WWOX: variants seen among roughly 807,000 people sequenced by gnomAD.
WWOX encodes the protein WW domain-containing oxidoreductase.
A neutral mutation model predicts 46.2 loss-of-function variants in WWOX; 69 were observed. That is an observed-to-expected ratio of 1.49 (90% CI 1.23 to 1.82). WWOX has a LOEUF of 1.82. Among genes scored for constraint, WWOX ranks in the 40% most tolerant of loss-of-function variants. The pLI is 0.00. For missense variants in WWOX, 919 were observed against 542.6 expected (o/e 1.69, Z -6.89); for synonymous variants, 359 against 202.6 (o/e 1.77, Z -6.56).
chr16:78,786,417 G>A (rs915274598), intron 8 of WWOX, among the ~76,000 whole-genome samples: 16 of 152,170 alleles, frequency 1.1e-4, no homozygotes, highest in African/African-American at 3.6e-4. Flanking sequence ...TACAGTCAAT[G>A]ACTTCAAGAG....
At chr16:78,235,082 A>C (rs1001393133) in intron 5 of WWOX, among the ~76,000 whole-genome samples, 1 of 152,138 alleles carries the variant, frequency 6.6e-6, no homozygotes, top group Non-Finnish European at 1.5e-5. Context: ...ACACACACGT[A>C]ATGATGTTCG....
At chr16:78,629,239 A>AT (rs11388515) in intron 8 of WWOX, among the ~76,000 whole-genome samples, 11 of 149,206 alleles carry the variant, frequency 7.4e-5, no homozygotes, top group South Asian at 2.1e-4. Context: ...TGGGTATTTT[A>AT]TTTTTTTTTC....
At position 78,924,482 on chromosome 16, in the gene WWOX, G is replaced by A. The variant is rs192096771; in HGVS notation, c.1057-287126G>A. ...AATATCTCACTTAAAACTTGTCTTC[G>A]CTGCAGGCTACTTGGTTGTACTTGA... On this transcript the variant is annotated intron_variant, in intron 8 of 8. Coordinates refer to ENST00000566780, the MANE Select transcript of WWOX (RefSeq NM_016373.4). 1.7e-3 allele frequency among the ~76,000 whole-genome samples: 256 copies of A among 152,236 alleles called. 1 individual carries two copies. Among genetic ancestry groups the A allele is most frequent in the Non-Finnish European group, 2.6e-3 (179 of 68,014 alleles).
chr16:78,249,148 T>C (rs2037911610), intron 5 of WWOX, among the ~76,000 whole-genome samples: 1 of 152,114 alleles, frequency 6.6e-6, no homozygotes, highest in Non-Finnish European at 1.5e-5. Context: ...CCACCGTGTC[T>C]GGCGTCATGC....
At chr16:79,132,491 C>T (rs541479821) in intron 8 of WWOX, among the ~76,000 whole-genome samples, 14 of 152,194 alleles carry the variant, frequency 9.2e-5, no homozygotes, top group South Asian at 6.2e-4. Flanking sequence ...AGTTACTTGC[C>T]ACGTTTCAGA....
intron 4 of WWOX, among the ~76,000 whole-genome samples, chr16:78,129,828 T>C (rs1032735237): frequency 1.3e-5 from 2 of 152,120 alleles, no homozygotes; most frequent in African/African-American, 4.8e-5. Context: ...GTTTATGTCT[T>C]CCCCAAAAAT....
intron 8 of WWOX, among the ~76,000 whole-genome samples, chr16:79,008,347 C>T (rs906049517): frequency 2.0e-5 from 3 of 152,204 alleles, no homozygotes; most frequent in African/African-American, 4.8e-5. Context: ...ATCAGTCCCA[C>T]TTAGGATTGA....
chr16:78,513,653 A>G (rs1385394012), intron 8 of WWOX, among the ~76,000 whole-genome samples: 1 of 152,226 alleles, frequency 6.6e-6, no homozygotes, highest in East Asian at 1.9e-4. Context: ...TTACAAATAT[A>G]CAGAGGTGGT....
At chr16:78,646,108 C>G (rs1047487244) in intron 8 of WWOX, among the ~76,000 whole-genome samples, 4 of 152,122 alleles carry the variant, frequency 2.6e-5, no homozygotes, top group Non-Finnish European at 1.5e-5. Flanking sequence ...AACTTACATC[C>G]CTCTACAAAG....
chr16:78,506,814 G>A (rs1337437417), intron 8 of WWOX, among the ~76,000 whole-genome samples: 2 of 148,794 alleles, frequency 1.3e-5, no homozygotes, highest in African/African-American at 5.0e-5. Flanking sequence ...CCAGGTTTAA[G>A]TGATTCTCCT....
chr16:78,731,847 T>C (rs1363253606), intron 8 of WWOX, among the ~76,000 whole-genome samples: 37 of 125,968 alleles, frequency 2.9e-4, no homozygotes, highest in East Asian at 1.6e-3. Flanking sequence ...TTCTTTCTCT[T>C]TTTTTTTTTT....
intron 5 of WWOX, among the ~76,000 whole-genome samples, chr16:78,375,842 C>A (rs973783565): frequency 9.4e-4 from 138 of 146,304 alleles, no homozygotes; most frequent in Middle Eastern, 3.4e-3. Flanking sequence ...CAATGAGTAA[C>A]ATGTATAGGA....
chr16:78,422,903 T>A (rs542445244), intron 6 of WWOX, among the ~76,000 whole-genome samples: 3 of 148,086 alleles, frequency 2.0e-5, no homozygotes, highest in African/African-American at 7.5e-5. Context: ...TTTTTTTCTT[T>A]TAGATGGAGT....
intron 8 of WWOX, among the ~76,000 whole-genome samples, chr16:78,589,821 T>C (rs2045308668): frequency 2.0e-5 from 3 of 152,164 alleles, no homozygotes; most frequent in Non-Finnish European, 1.5e-5. Flanking sequence ...TTCTGTAGAA[T>C]AACATGTGGA....
intron 5 of WWOX, among the ~76,000 whole-genome samples, chr16:78,383,870 C>G (rs1197142339): frequency 1.3e-5 from 2 of 152,110 alleles, no homozygotes; most frequent in Non-Finnish European, 2.9e-5. Flanking sequence ...GTGGATTAGT[C>G]TGTTGAACTA....
chr16:78,925,026 C>G (rs1016304276), intron 8 of WWOX, among the ~76,000 whole-genome samples: 3 of 152,050 alleles, frequency 2.0e-5, no homozygotes, highest in Middle Eastern at 3.2e-3. Context: ...AAAACCCTGT[C>G]TCTACAAAAA....
At chr16:78,927,033 C>G (rs969363842) in intron 8 of WWOX, among the ~76,000 whole-genome samples, 2 of 152,158 alleles carry the variant, frequency 1.3e-5, no homozygotes, top group African/African-American at 2.4e-5. Context: ...TGAGCTCAAG[C>G]CATCCACCCG....
chr16:78,479,572 G>A (rs553453658), intron 8 of WWOX, among the ~76,000 whole-genome samples: 26 of 152,294 alleles, frequency 1.7e-4, no homozygotes, highest in African/African-American at 5.8e-4. Context: ...TAGTGAAAAT[G>A]GAGATAAGAC....
intron 5 of WWOX, among the ~76,000 whole-genome samples, chr16:78,349,637 CT>C (rs1184314648): frequency 2.5e-5 from 3 of 120,278 alleles, no homozygotes; most frequent in Admixed American, 1.6e-4. Context: ...GGTATGAGCC[CT>C]AATGGTGCAC....
Sources: allele counts gnomAD v4.1 joint callset (sites outside exome capture counted in the v4.1 genomes callset), GRCh38; gene constraint gnomAD v4.1.1; transcripts MANE v1.5; gene names NCBI Gene and HGNC (gene_info 2026-07-23, HGNC 2026-07-21).